The following SAMD4A variants were observed in gnomAD, a reference collection of about 807,000 sequenced individuals.
SAMD4A encodes protein Smaug homolog 1.
A neutral mutation model predicts 81.3 loss-of-function variants in SAMD4A; 33 were observed. The ratio of observed to expected loss-of-function variants is 0.41; its 90% confidence interval spans 0.31 to 0.54. SAMD4A has a LOEUF of 0.54. Among genes scored for constraint, SAMD4A ranks in the 20% least tolerant of loss-of-function variants. SAMD4A has a pLI of 0.37. For synonymous variants in SAMD4A, 389 were observed against 382.1 expected, an observed-to-expected ratio of 1.02 and a Z score of -0.21; for missense variants, 854 against 951.1, an observed-to-expected ratio of 0.90 and a Z score of 1.34.
intron 8 of SAMD4A, among the ~76,000 whole-genome samples, chr14:54,767,930 AAGGAG>A (rs1181322863): frequency 6.6e-6 from 1 of 152,168 alleles, no homozygotes; most frequent in Non-Finnish European, 1.5e-5. Context: ...CCCTGAAGGA[AAGGAG>A]CCCGCTGCCC....
intron 2 of SAMD4A, among the ~76,000 whole-genome samples, chr14:54,618,303 G>C (rs904315281): frequency 6.6e-6 from 1 of 152,150 alleles, no homozygotes; most frequent in Non-Finnish European, 1.5e-5. Context: ...CATGTTAGGA[G>C]TATTTACACC....
chr14:54,711,690 C>G (rs1218169679), intron 3 of SAMD4A, among the ~76,000 whole-genome samples: 2 of 152,058 alleles, frequency 1.3e-5, no homozygotes, highest in East Asian at 3.9e-4. Flanking sequence ...GGTCCTTGTT[C>G]TTGGTCTTCC....
chr14:54,685,671 C>A (rs1490356970), intron 2 of SAMD4A: 1 of 456,294 alleles, frequency 2.2e-6, no homozygotes, highest in African/African-American at 2.0e-5. Context: ...CTTTAGTAAC[C>A]CCAGCTCTCT....
intron 2 of SAMD4A, among the ~76,000 whole-genome samples, chr14:54,636,854 T>C (rs76523996): frequency 0.014 from 2,061 of 152,094 alleles, 44 homozygotes; most frequent in African/African-American, 0.047. Flanking sequence ...CATGCTGAAA[T>C]TGAGATATTG....
intron 2 of SAMD4A, among the ~76,000 whole-genome samples, chr14:54,676,437 A>G (rs553976701): frequency 3.4e-4 from 51 of 152,136 alleles, no homozygotes; most frequent in Non-Finnish European, 5.6e-4. Flanking sequence ...CAGTGGCACA[A>G]TCTTGCTTGG....
chr14:54,788,659 C>T (rs537929967), intron 12 of SAMD4A, among the ~76,000 whole-genome samples: 1 of 152,318 alleles, frequency 6.6e-6, no homozygotes, highest in South Asian at 2.1e-4. Flanking sequence ...TCTGTGTCTA[C>T]CCTCAAATAT....
chr14:54,754,181 T>G (rs887004290), intron 6 of SAMD4A, among the ~76,000 whole-genome samples: 3 of 152,166 alleles, frequency 2.0e-5, no homozygotes, highest in African/African-American at 7.2e-5. Flanking sequence ...GTAGCAAGGG[T>G]GACCCTGACA....
rs76481567 is a variant in SAMD4A at position 54,711,187 on chromosome 14, A to G, written c.715+8607A>G. 7.1e-3 allele frequency among the ~76,000 whole-genome samples: 1,079 copies of G among 152,326 alleles called. 68 individuals carry two copies. In the East Asian group the frequency reaches 0.16, roughly 22 times the overall value. ...AATAAACAAGAAAATGTCCCTAGGAATTCACTAAATATTTGGTGATAATAT... is the reference window on the plus strand; with the variant it reads ...AATAAACAAGAAAATGTCCCTAGGAGTTCACTAAATATTTGGTGATAATAT... On this transcript the variant is annotated intron_variant, in intron 3 of 12. Transcript: ENST00000554335.
At chr14:54,598,245 G>A (rs1025761633) in intron 2 of SAMD4A, among the ~76,000 whole-genome samples, 17 of 152,152 alleles carry the variant, frequency 1.1e-4, no homozygotes, top group African/African-American at 3.6e-4. Context: ...GGGTCCTTGC[G>A]TAACATAGCT....
intron 2 of SAMD4A, among the ~76,000 whole-genome samples, chr14:54,622,761 C>T (rs1007080239): frequency 1.3e-5 from 2 of 152,180 alleles, no homozygotes; most frequent in East Asian, 1.9e-4. Flanking sequence ...GCAGCGTAGG[C>T]GTGGGGAGTT....
At chr14:54,645,638 T>C (rs1173185419) in intron 2 of SAMD4A, among the ~76,000 whole-genome samples, 1 of 152,228 alleles carries the variant, frequency 6.6e-6, no homozygotes, top group Non-Finnish European at 1.5e-5. Context: ...ATTGTGAAAA[T>C]ATAACTGTCA....
chr14:54,706,479 C>A (rs1359823740), intron 3 of SAMD4A, among the ~76,000 whole-genome samples: 3 of 151,598 alleles, frequency 2.0e-5, no homozygotes, highest in Non-Finnish European at 4.4e-5. Flanking sequence ...GTGGTGCATG[C>A]CTGTAATCCC....
chr14:54,571,199 TTCA>T (rs1208689407), intron 2 of SAMD4A, among the ~76,000 whole-genome samples: 2 of 152,234 alleles, frequency 1.3e-5, no homozygotes, highest in African/African-American at 4.8e-5. Flanking sequence ...GATTCACTGG[TTCA>T]TCCTTTGCCT....
chr14:54,695,828 C>T (rs1415483081), intron 2 of SAMD4A, among the ~76,000 whole-genome samples: 1 of 151,996 alleles, frequency 6.6e-6, no homozygotes. Flanking sequence ...TGGCGCATGC[C>T]TGTAATCCCA....
In SAMD4A at chr14:54,791,575, C is replaced by CT. The variant is rs1023119756; in HGVS notation, c.*2638dup. The CT allele has an allele frequency of 2.0e-5, 3 of 151,646 alleles. No individual in the cohort carries two copies. The highest frequency in any genetic ancestry group is 4.4e-5 in the Non-Finnish European group (3 of 67,946). The allele number at this position is 151,646 out of a possible 1,614,324, so 9.4% of individuals were successfully genotyped here. On this transcript the variant is annotated 3_prime_UTR_variant, in exon 13 of 13. Transcript: ENST00000554335. ...GTCTGTTATTAATAACAACATAATT[C>CT]TTTTTTTAAAGAAGAAAAGCTTATT...
chr14:54,580,778 T>C (rs1278072095), intron 2 of SAMD4A, among the ~76,000 whole-genome samples: 2 of 152,208 alleles, frequency 1.3e-5, no homozygotes, highest in African/African-American at 4.8e-5. Context: ...ACCCTGTGCC[T>C]TAGTCACTTT....
intron 12 of SAMD4A, among the ~76,000 whole-genome samples, chr14:54,786,845 G>C (rs1367811519): frequency 6.6e-6 from 1 of 152,174 alleles, no homozygotes. Flanking sequence ...TCTCTGAACC[G>C]ATGGGTTTTT....
chr14:54,687,308 TG>T (rs765315242), intron 2 of SAMD4A: 10 of 456,062 alleles, frequency 2.2e-5, no homozygotes, highest in South Asian at 1.4e-4. Flanking sequence ...ACCTCAAAAC[TG>T]CAGACTTTGG....
At chr14:54,659,334 C>T (rs2035589194) in intron 2 of SAMD4A, among the ~76,000 whole-genome samples, 1 of 152,102 alleles carries the variant, frequency 6.6e-6, no homozygotes, top group South Asian at 2.1e-4. Context: ...TCTCACAGTT[C>T]CTGAGCAATA....
Sources: gnomAD v4.1 joint callset for allele counts (sites outside exome capture counted in the v4.1 genomes callset) on GRCh38, gnomAD v4.1.1 for gene constraint, MANE v1.5 for transcripts, NCBI Gene and HGNC (gene_info 2026-07-23, HGNC 2026-07-21) for gene names.